The following AHCY variants were observed in gnomAD, a reference collection of about 807,000 sequenced individuals.
AHCY encodes S-adenosyl-L-homocysteine hydrolase.
In AHCY, 24 loss-of-function variants were observed where a neutral mutation model predicts 45.4. The observed-to-expected ratio is 0.53, with a 90% CI of 0.38 to 0.74. AHCY has a LOEUF of 0.74. Among genes scored for constraint, AHCY ranks in the 30% least tolerant of loss-of-function variants. The pLI is 0.00. For missense variants in AHCY, 449 were observed against 594.1 expected, an observed-to-expected ratio of 0.76 and a Z score of 2.54; for synonymous variants, 245 against 235.1, an observed-to-expected ratio of 1.04 and a Z score of -0.39.
chr20:34,310,408 T>C (rs557272340), intron 1 of AHCY, among the ~76,000 whole-genome samples: 10 of 152,252 alleles, frequency 6.6e-5, no homozygotes, highest in Middle Eastern at 3.4e-3. Context: ...AAGTTTACAG[T>C]TTAATAACAT....
chr20:34,255,065 T>C, the AHCY span, among the ~76,000 whole-genome samples: 1 of 152,146 alleles, frequency 6.6e-6, no homozygotes, highest in African/African-American at 2.4e-5. Flanking sequence ...GTGCAGTGAA[T>C]AGTGTTTACA....
the AHCY span, among the ~76,000 whole-genome samples, chr20:34,235,870 G>GAAGGAAGGA: frequency 3.5e-5 from 1 of 28,952 alleles, no homozygotes; most frequent in Non-Finnish European, 6.0e-5. Context: ...GGAAGGAAAG[G>GAAGGAAGGA]AAGGAAGGAA....
At chr20:34,276,257 G>A (rs1403022005), downstream of AHCY, among the ~76,000 whole-genome samples, 1 of 152,158 alleles carries the variant, frequency 6.6e-6, no homozygotes, top group Non-Finnish European at 1.5e-5. Flanking sequence ...CAGACCTACA[G>A]AATCAGGACT....
intron 1 of AHCY, 46 bp downstream of exon 1, chr20:34,303,197 G>A (rs993948871): frequency 2.9e-5 from 45 of 1,550,462 alleles, no homozygotes; most frequent in Non-Finnish European, 3.7e-5. Context: ...ACAAGCCCCG[G>A]GCGGGTGCCG....
At chr20:34,305,617 T>C (rs1601692850), upstream of AHCY, among the ~76,000 whole-genome samples, 1 of 152,294 alleles carries the variant, frequency 6.6e-6, no homozygotes, top group South Asian at 2.1e-4. Context: ...CTTCAAAATA[T>C]TCCTGCAAAG....
At chr20:34,246,537 C>T in the AHCY span, 3 of 1,020,512 alleles carry the variant, frequency 2.9e-6, no homozygotes, top group Non-Finnish European at 3.1e-6. Context: ...GAAATCTCAG[C>T]TCACTGCAAC....
chr20:34,264,734 C>A, the AHCY span, among the ~76,000 whole-genome samples: 1 of 150,862 alleles, frequency 6.6e-6, no homozygotes, highest in Non-Finnish European at 1.5e-5. Flanking sequence ...TTCTTATAAT[C>A]GATCTCTACT....
the AHCY span, among the ~76,000 whole-genome samples, chr20:34,244,603 C>T: frequency 6.6e-6 from 1 of 152,202 alleles, no homozygotes; most frequent in Non-Finnish European, 1.5e-5. Flanking sequence ...TCATTTGTAA[C>T]ATTTGCAATT....
At position 34,291,283 on chromosome 20, in the gene AHCY, C is replaced by T. The variant is rs1303574528; in HGVS notation, c.558+136G>A. ...ACCCCTTTTAAACGCACTCATTAGCCTGTCTATAACCGCTTTTGCCCCCTC... is the reference window on the plus strand; with the variant it reads ...ACCCCTTTTAAACGCACTCATTAGCTTGTCTATAACCGCTTTTGCCCCCTC... On this transcript the variant is annotated intron_variant, in intron 5 of 9. Coordinates refer to ENST00000217426, the MANE Select transcript of AHCY (RefSeq NM_000687.4). 4 of 833,546 alleles carry T rather than the reference C, an allele frequency of 4.8e-6. No individual in the cohort carries two copies. The Admixed American group carries it at 5.4e-5, about 11-fold the overall frequency. The allele number at this position is 833,546 out of a possible 1,614,324, so 51.6% of individuals were successfully genotyped here.
chr20:34,283,146 T>G (rs185801600), intron 9 of AHCY, among the ~76,000 whole-genome samples: 1 of 151,998 alleles, frequency 6.6e-6, no homozygotes, highest in African/African-American at 2.4e-5. Context: ...ACAGTACACA[T>G]TGAAATCAAC....
the AHCY span, among the ~76,000 whole-genome samples, chr20:34,232,196 A>G: frequency 6.6e-6 from 1 of 152,222 alleles, no homozygotes; most frequent in Non-Finnish European, 1.5e-5. Flanking sequence ...ACCCAGGGAG[A>G]TATTACTTCA....
chr20:34,276,284 G>A (rs6120592), downstream of AHCY, among the ~76,000 whole-genome samples: 1,744 of 152,228 alleles, frequency 0.011, 33 homozygotes, highest in African/African-American at 0.039. Flanking sequence ...AAGCCCTCCA[G>A]GTGTTTCTGA....
At chr20:34,302,674 C>T in intron 1 of AHCY, 2 of 986,608 alleles carry the variant, frequency 2.0e-6, no homozygotes, top group Non-Finnish European at 2.4e-6. Flanking sequence ...TTCGAGATTT[C>T]TGCAAGGCTG....
chr20:34,246,591 G>A, the AHCY span: 2 of 710,496 alleles, frequency 2.8e-6, no homozygotes, highest in East Asian at 2.8e-5. Context: ...CAGCCTCCTA[G>A]GACCACAGGC....
In AHCY at chr20:34,290,785, G is replaced by A. The variant is rs989680443; in HGVS notation, c.712C>T (p.Arg238Cys). Residue 238 changes from arginine to cysteine, a missense_variant, in exon 6 of 10, where the codon CGC (arginine) becomes TGC (cysteine). Physicochemically the swap from Arg to Cys is radical, Grantham distance 180. Coordinates refer to ENST00000217426, the MANE Select transcript of AHCY (RefSeq NM_000687.4). This position sits in a 1 kb window ranked among gnomAD's most constrained non-coding sequence, Gnocchi z 4.5. Reference protein sequence around the residue: ...CAQALRGFGARVIITEIDPIN... With the variant: ...CAQALRGFGACVIITEIDPIN... ...GGGTCAATCTCGGTGATGATGACGC[G>A]GGCTCCGAAACCCCGCAGGGCCTGG... The A allele has an allele frequency of 9.9e-6, 16 of 1,613,786 alleles. No individual in the cohort carries two copies. The highest frequency in any genetic ancestry group is 1.2e-5 in the Non-Finnish European group (14 of 1,179,984).
At chr20:34,246,642 G>A in the AHCY span, 3 of 570,396 alleles carry the variant, frequency 5.3e-6, no homozygotes, top group Non-Finnish European at 9.7e-6. Flanking sequence ...ATTTTTGGTA[G>A]AGATGGGGTT....
chr20:34,275,136 T>C, the AHCY span, among the ~76,000 whole-genome samples: 26 of 146,844 alleles, frequency 1.8e-4, no homozygotes, highest in Admixed American at 3.4e-4. Context: ...ATTTTCTTTT[T>C]TTTTTTTTTT....
chr20:34,295,664 G>A (rs2036557035), intron 1 of AHCY, 79 bp from the exon 2 acceptor site: 15 of 1,443,156 alleles, frequency 1.0e-5, no homozygotes, highest in Admixed American at 1.9e-5. Flanking sequence ...CATGGACCCC[G>A]ATCCACGTGT....
chr20:34,295,247 C>T (rs748327861), intron 2 of AHCY, 148 bp downstream of exon 2: 25 of 973,428 alleles, frequency 2.6e-5, no homozygotes, highest in Middle Eastern at 2.1e-4. Context: ...CACTGGGAAA[C>T]GGAGGAAACC....
Sources: allele counts gnomAD v4.1 joint callset (sites outside exome capture counted in the v4.1 genomes callset), GRCh38; gene constraint gnomAD v4.1.1; non-coding constraint Gnocchi (gnomAD v3.1); transcripts MANE v1.5; gene names NCBI Gene and HGNC (gene_info 2026-07-23, HGNC 2026-07-21).